SYT2: variants seen among roughly 807,000 people sequenced by gnomAD.
SYT2 encodes synaptotagmin 2.
SYT2 carries 15 observed loss-of-function variants against 39.9 expected under a neutral mutation model. That is an observed-to-expected ratio of 0.38 (90% CI 0.25 to 0.58). The LOEUF is 0.58. Among genes scored for constraint, SYT2 ranks in the 20% least tolerant of loss-of-function variants. The pLI is 0.70. For synonymous variants in SYT2, 181 were observed against 204.5 expected (o/e 0.89, Z 0.98); for missense variants, 389 against 530.3 (o/e 0.73, Z 2.62).
chr1:202,600,770 T>TC (rs1690475172), intron 6 of SYT2, among the ~76,000 whole-genome samples: 1 of 152,056 alleles, frequency 6.6e-6, no homozygotes, highest in African/African-American at 2.4e-5. Context: ...GAGGGAGGGA[T>TC]CCCTGGGTGG....
At position 202,603,133 on chromosome 1, in the gene SYT2, G is replaced by C; in HGVS notation, c.346-15C>G. On this transcript the variant is annotated splice_polypyrimidine_tract_variant and intron_variant, in intron 3 of 8. Coordinates refer to ENST00000367268, the MANE Select transcript of SYT2 (RefSeq NM_177402.5). Reference sequence around the variant, plus strand: ...TCGTCGTCATCCTGTGGGAGCTGGGGGAGAGAGGGAACAAGTTAAAAGGGG... The same window carrying C: ...TCGTCGTCATCCTGTGGGAGCTGGGCGAGAGAGGGAACAAGTTAAAAGGGG... The C allele has an allele frequency of 6.2e-7, 1 of 1,613,942 alleles. No individual in the cohort carries two copies. The highest frequency in any genetic ancestry group is 8.5e-7 in the Non-Finnish European group (1 of 1,179,910).
chr1:202,606,536 C>G (rs1423124009), intron 1 of SYT2, among the ~76,000 whole-genome samples: 1 of 152,196 alleles, frequency 6.6e-6, no homozygotes, highest in Admixed American at 6.5e-5. Context: ...CTCCTCAGCT[C>G]TCTGCGGTTT....
chr1:202,673,105 G>A lies in SYT2; in HGVS notation c.-18+37153C>T, dbSNP rs182334566. Among the ~76,000 whole-genome samples the A allele has an allele frequency of 7.2e-3, 1,096 of 152,206 alleles. 11 individuals carry two copies. Among genetic ancestry groups the A allele is most frequent in the Middle Eastern group, 0.017 (5 of 294 alleles). On this transcript the variant is annotated intron_variant, in intron 1 of 8. Coordinates refer to ENST00000367268, the MANE Select transcript of SYT2 (RefSeq NM_177402.5). ...TGCCCAGAAATCTGGGCTTATGGAT[G>A]GTGTTATAAGAAAATCTTGGAGATG...
intron 1 of SYT2, among the ~76,000 whole-genome samples, chr1:202,667,246 C>A (rs1024874484): frequency 1.9e-4 from 29 of 152,204 alleles, no homozygotes; most frequent in African/African-American, 6.7e-4. Flanking sequence ...GAATCTGGGG[C>A]CTTCTATTAA....
chr1:202,696,391 G>T (rs10920458), intron 1 of SYT2, among the ~76,000 whole-genome samples: 10 of 152,038 alleles, frequency 6.6e-5, no homozygotes. Flanking sequence ...GGCCATGCAC[G>T]CATCATGTTC....
chr1:202,679,422 A>C (rs1653471578), intron 1 of SYT2, among the ~76,000 whole-genome samples: 1 of 152,170 alleles, frequency 6.6e-6, no homozygotes, highest in Non-Finnish European at 1.5e-5. Flanking sequence ...TCTTGCTCCT[A>C]TATTTCCCTT....
chr1:202,632,406 G>C lies in SYT2; in HGVS notation c.-17-26617C>G, dbSNP rs186158307. ...GCAGATATTGGGGGATGGGGAGCTG[G>C]GGATGAGACTCCGGCTCATCACACT... On this transcript the variant is annotated intron_variant, in intron 1 of 8. Transcript: ENST00000367268. The C allele has an allele frequency of 2.0e-3, 533 of 271,034 alleles. 5 individuals carry two copies. Among genetic ancestry groups the C allele is most frequent in the South Asian group, 7.9e-3 (57 of 7,238 alleles). 16.8% of individuals were successfully genotyped at this position (271,034 alleles called of 1,614,324 possible). A position where few individuals can be genotyped will look rare whatever the true frequency, so the allele number is the denominator to read the frequency against.
rs112559962 is a variant in SYT2 at position 202,602,242 on chromosome 1, G to A, written c.633+136C>T. Reference sequence around the variant, plus strand: ...GGAGGGATCCCGATCCTCCATAGAGGCCGGGGTAGCCCTGCAGTCAAGGCT... The same window carrying A: ...GGAGGGATCCCGATCCTCCATAGAGACCGGGGTAGCCCTGCAGTCAAGGCT... On this transcript the variant is annotated intron_variant, in intron 5 of 8. Transcript: ENST00000367268. 25 of 1,214,910 alleles carry A rather than the reference G, an allele frequency of 2.1e-5. No individual in the cohort carries two copies. In the African/African-American group the frequency reaches 3.0e-4, roughly 15 times the overall value. The allele number at this position is 1,214,910 out of a possible 1,614,324, so 75.3% of individuals were successfully genotyped here.
chr1:202,678,670 C>G (rs1304036452), intron 1 of SYT2, among the ~76,000 whole-genome samples: 2 of 152,086 alleles, frequency 1.3e-5, no homozygotes, highest in Non-Finnish European at 2.9e-5. Context: ...TTCACTTAAC[C>G]CCTCCTGCCT....
chr1:202,640,865 TG>T (rs918066965), intron 1 of SYT2, among the ~76,000 whole-genome samples: 55 of 151,310 alleles, frequency 3.6e-4, no homozygotes, highest in African/African-American at 1.3e-3. Flanking sequence ...GCTTTCAAGA[TG>T]GTAGAGGAAG....
In SYT2 at chr1:202,599,174, T is replaced by G; in HGVS notation, c.1053+44A>C. The G allele has an allele frequency of 6.2e-7, 1 of 1,603,496 alleles. No homozygotes were observed. Among genetic ancestry groups the G allele is most frequent in the Non-Finnish European group, 8.5e-7 (1 of 1,176,796 alleles). On this transcript the variant is annotated intron_variant, in intron 8 of 8. Coordinates refer to ENST00000367268, the MANE Select transcript of SYT2 (RefSeq NM_177402.5). This position sits in a 1 kb window ranked among gnomAD's most constrained non-coding sequence, Gnocchi z 4.4. ...TTCAACCTCCCCATACATGTTTGCC[T>G]CCCCAAACCCTGCTCCATGCCTAGG...
intron 1 of SYT2, among the ~76,000 whole-genome samples, chr1:202,613,471 A>G (rs754505448): frequency 1.3e-5 from 2 of 152,142 alleles, no homozygotes; most frequent in Admixed American, 6.5e-5. Flanking sequence ...GAATCATGCA[A>G]ATGAAGATAG....
chr1:202,675,181 TAAG>T (rs774005187), intron 1 of SYT2, among the ~76,000 whole-genome samples: 4 of 151,898 alleles, frequency 2.6e-5, no homozygotes. Flanking sequence ...TAAGGAAAAA[TAAG>T]ATGTGGTGAA....
At position 202,657,534 on chromosome 1, in the gene SYT2, G is replaced by A. The variant is rs114394064; in HGVS notation, c.-17-51745C>T. 2.8e-3 allele frequency among the ~76,000 whole-genome samples: 433 copies of A among 152,324 alleles called. 3 individuals carry two copies. Among genetic ancestry groups the A allele is most frequent in the African/African-American group, 0.01 (417 of 41,580 alleles). ...GGAGGGAGCAGTCAGACAGCTCTGTGAGCGGGAAAATGTTGGTGTGGCGGT... is the reference window on the plus strand; with the variant it reads ...GGAGGGAGCAGTCAGACAGCTCTGTAAGCGGGAAAATGTTGGTGTGGCGGT... On this transcript the variant is annotated intron_variant, in intron 1 of 8. Coordinates refer to ENST00000367268, the MANE Select transcript of SYT2 (RefSeq NM_177402.5).
At chr1:202,670,211 A>G (rs755132863) in intron 1 of SYT2, among the ~76,000 whole-genome samples, 33 of 152,314 alleles carry the variant, frequency 2.2e-4, no homozygotes, top group Non-Finnish European at 7.4e-5. Context: ...GTGAGGTCCC[A>G]TGAGTGACCC....
At chr1:202,617,428 C>T (rs899613714) in intron 1 of SYT2, among the ~76,000 whole-genome samples, 1 of 152,116 alleles carries the variant, frequency 6.6e-6, no homozygotes, top group Non-Finnish European at 1.5e-5. Flanking sequence ...TGCTGGCTCC[C>T]TCTTCACCTC....
chr1:202,676,575 TTTG>T (rs1180578609), intron 1 of SYT2, among the ~76,000 whole-genome samples: 1 of 152,194 alleles, frequency 6.6e-6, no homozygotes, highest in Non-Finnish European at 1.5e-5. Flanking sequence ...GGCTCAGCTT[TTTG>T]GATATAATAG....
rs940977039 is a variant in SYT2 at position 202,595,485 on chromosome 1, G to A, written c.*1272C>T. On this transcript the variant is annotated 3_prime_UTR_variant, in exon 9 of 9. Coordinates refer to ENST00000367268, the MANE Select transcript of SYT2 (RefSeq NM_177402.5). ...GCAGAGGGCCAAGGGAGCAAGGAGT[G>A]GGAGTCGGGGGAATTCCAGTGCTCC... 3 of 152,268 alleles carry A rather than the reference G, an allele frequency of 2.0e-5. No individual in the cohort carries two copies. Among genetic ancestry groups the A allele is most frequent in the African/African-American group, 7.2e-5 (3 of 41,462 alleles). The allele number at this position is 152,268 out of a possible 1,614,324, so 9.4% of individuals were successfully genotyped here. A position where few individuals can be genotyped will look rare whatever the true frequency, so the allele number is the denominator to read the frequency against.
Position 202,658,989 on chromosome 1 carries a change from C to T in SYT2, c.-18+51269G>A, listed in dbSNP as rs78244346. Among the ~76,000 whole-genome samples the T allele has an allele frequency of 7.0e-4, 107 of 152,256 alleles. 1 individual carries two copies. In the East Asian group the frequency reaches 0.02, roughly 28 times the overall value. ...AGTCCCTAGGGGATCCGGCATAAGC[C>T]TCCTTCACATAGAGGCAGAGGCCTT... On this transcript the variant is annotated intron_variant, in intron 1 of 8. Transcript: ENST00000367268.
Sources: allele counts gnomAD v4.1 joint callset (sites outside exome capture counted in the v4.1 genomes callset), GRCh38; gene constraint gnomAD v4.1.1; non-coding constraint Gnocchi (gnomAD v3.1); transcripts MANE v1.5; gene names NCBI Gene and HGNC (gene_info 2026-07-23, HGNC 2026-07-21).